The following FRMPD4 variants were observed in gnomAD, a reference collection of about 807,000 sequenced individuals.
The protein encoded by FRMPD4 is FERM and PDZ domain-containing protein 4.
In FRMPD4, 22 loss-of-function variants were observed where a neutral mutation model predicts 94.1. The ratio of observed to expected loss-of-function variants is 0.23; its 90% CI spans 0.17 to 0.33. The LOEUF is 0.33. Among genes scored for constraint, FRMPD4 ranks in the 10% least tolerant of loss-of-function variants. FRMPD4 has a pLI of 1.00. For missense variants in FRMPD4, 1,111 were observed against 1,339.9 expected (o/e 0.83, Z 2.67); for synonymous variants, 631 against 548.6 (o/e 1.15, Z -2.10).
At chrX:12,621,972 A>AAGAG (rs1216197657) in intron 4 of FRMPD4, among the ~76,000 whole-genome samples, 1 of 20,781 alleles carries the variant, frequency 4.8e-5, no homozygotes, top group Non-Finnish European at 8.0e-5. Flanking sequence ...AAGAAAGAGA[A>AAGAG]AGAAAGAAAG....
At chrX:12,334,142 A>C (rs780723146) in intron 1 of FRMPD4, among the ~76,000 whole-genome samples, 1 of 112,166 alleles carries the variant, frequency 8.9e-6, no homozygotes, top group Non-Finnish European at 1.9e-5. Flanking sequence ...TAGTATCACT[A>C]TCTGCCTTAC....
intron 1 of FRMPD4, among the ~76,000 whole-genome samples, chrX:12,270,292 CTTTAA>C (rs1405536820): frequency 1.8e-5 from 2 of 110,207 alleles, no homozygotes; most frequent in East Asian, 5.7e-4. Flanking sequence ...AAAATGTTTT[CTTTAA>C]TTTATCTTGG....
At chrX:12,436,109 A>G (rs891510955) in intron 1 of FRMPD4, among the ~76,000 whole-genome samples, 1 of 110,692 alleles carries the variant, frequency 9.0e-6, no homozygotes, top group African/African-American at 3.3e-5. Flanking sequence ...GGGTTCAAGC[A>G]ATTCTCGTGC....
intron 1 of FRMPD4, among the ~76,000 whole-genome samples, chrX:12,197,243 T>C (rs971506791): frequency 2.7e-5 from 3 of 111,209 alleles, no homozygotes; most frequent in Non-Finnish European, 5.7e-5. Context: ...GACCCCAGTG[T>C]GAGCCAAGCC....
intron 1 of FRMPD4, among the ~76,000 whole-genome samples, chrX:12,339,246 G>A (rs1212910313): frequency 4.5e-5 from 5 of 111,797 alleles, no homozygotes; most frequent in Non-Finnish European, 7.5e-5. Context: ...ATGTTCCAAG[G>A]CATTTTTCTC....
intron 1 of FRMPD4, among the ~76,000 whole-genome samples, chrX:12,451,128 T>C (rs1262496862): frequency 9.0e-6 from 1 of 111,356 alleles, no homozygotes; most frequent in Non-Finnish European, 1.9e-5. Flanking sequence ...CCATTGGACC[T>C]GAATCACTTC....
At chrX:12,230,911 ATATATTAC>A (rs1252571244) in intron 1 of FRMPD4, among the ~76,000 whole-genome samples, 20 of 84,542 alleles carry the variant, frequency 2.4e-4, no homozygotes, top group African/African-American at 6.2e-4. Context: ...TATATACTAT[ATATATTAC>A]TATATTACTA....
intron 3 of FRMPD4, among the ~76,000 whole-genome samples, chrX:12,121,337 T>TA (rs1429735612): frequency 2.7e-5 from 3 of 111,670 alleles, no homozygotes; most frequent in Non-Finnish European, 5.6e-5. Flanking sequence ...TATATTTTAT[T>TA]AAAAATGTTA....
chrX:11,906,554 A>T (rs1397008868), intron 3 of FRMPD4, among the ~76,000 whole-genome samples: 1 of 111,301 alleles, frequency 9.0e-6, no homozygotes, highest in Admixed American at 9.5e-5. Context: ...ACTGCCATCT[A>T]GCCTCCATTA....
chrX:12,482,495 G>C (rs940934186), intron 1 of FRMPD4, among the ~76,000 whole-genome samples: 5 of 111,579 alleles, frequency 4.5e-5, no homozygotes, highest in African/African-American at 1.3e-4. Context: ...AGTTAAGTCA[G>C]CTAACAGAGC....
intron 1 of FRMPD4, among the ~76,000 whole-genome samples, chrX:12,292,007 C>T (rs890167641): frequency 8.0e-5 from 9 of 112,100 alleles, no homozygotes; most frequent in African/African-American, 2.3e-4. Flanking sequence ...TTGGCAAATA[C>T]GTGTTTTTCA....
chrX:11,968,100 CCA>C (rs2054321012), intron 3 of FRMPD4, among the ~76,000 whole-genome samples: 1 of 110,407 alleles, frequency 9.1e-6, no homozygotes, highest in Non-Finnish European at 1.9e-5. Context: ...CCCAGTAGCC[CCA>C]GTCTTTCTGC....
At chrX:12,223,387 A>G (rs1375073278) in intron 1 of FRMPD4, among the ~76,000 whole-genome samples, 3 of 112,168 alleles carry the variant, frequency 2.7e-5, no homozygotes, top group Non-Finnish European at 5.6e-5. Flanking sequence ...GCTTATGAGC[A>G]GGAGCTAAAC....
chrX:12,638,898 A>G (rs761000137), intron 4 of FRMPD4, among the ~76,000 whole-genome samples: 2 of 110,735 alleles, frequency 1.8e-5, no homozygotes, highest in East Asian at 2.8e-4. Context: ...TCACCACTCT[A>G]CTTCGGTGGC....
At chrX:12,343,065 G>A (rs745831229) in intron 1 of FRMPD4, among the ~76,000 whole-genome samples, 3 of 112,039 alleles carry the variant, frequency 2.7e-5, no homozygotes, top group Admixed American at 9.5e-5. Context: ...ACCCATAAAC[G>A]GGAAAGGAAG....
intron 3 of FRMPD4, among the ~76,000 whole-genome samples, chrX:12,003,142 T>C (rs183375858): frequency 2.3e-4 from 26 of 111,805 alleles, no homozygotes; most frequent in African/African-American, 8.1e-4. Flanking sequence ...TTGAGCTGGG[T>C]CACCTCCTGT....
At chrX:11,904,484 C>T (rs750387373) in intron 3 of FRMPD4, among the ~76,000 whole-genome samples, 1 of 112,300 alleles carries the variant, frequency 8.9e-6, no homozygotes, top group Non-Finnish European at 1.9e-5. Context: ...AAGGTGAGAA[C>T]TTGATTTGGG....
intron 1 of FRMPD4, among the ~76,000 whole-genome samples, chrX:12,412,994 C>T (rs2056754515): frequency 9.1e-6 from 1 of 110,403 alleles, no homozygotes; most frequent in African/African-American, 3.3e-5. Flanking sequence ...AAAAAACACA[C>T]ATTTATGGCA....
At position 12,717,786 on chromosome X, in the gene FRMPD4, A is replaced by C. The variant is rs2042122764; in HGVS notation, c.2960A>C (p.Lys987Thr). The C allele has an allele frequency of 8.3e-7, 1 of 1,211,947 alleles. No homozygotes were observed. ...CTCCCGCCCAAAGTTGTGCCTTCCA[A>C]GCAGTTACTTCACTCAGACCACATG... ...TDLPPKVVPS[K>T]QLLHSDHMEM... Residue 987 changes from lysine (K) to threonine (T), a missense_variant, in exon 16 of 17, where the codon AAG becomes ACG. Lys to Thr is a moderately conservative substitution (Grantham distance 78, BLOSUM62 -1). Transcript: ENST00000675598.
Sources: allele counts gnomAD v4.1 joint callset (sites outside exome capture counted in the v4.1 genomes callset), GRCh38; gene constraint gnomAD v4.1.1; transcripts MANE v1.5; gene names NCBI Gene and HGNC (gene_info 2026-07-23, HGNC 2026-07-21).